The following FAM53A variants were observed in gnomAD, a reference collection of about 807,000 sequenced individuals.
FAM53A encodes the protein protein FAM53A.
In FAM53A, 28 loss-of-function variants were observed where a neutral mutation model predicts 26.6. That is an observed-to-expected ratio of 1.05 (90% confidence interval 0.78 to 1.45). The LOEUF (loss-of-function observed/expected upper bound fraction) is 1.45. Ranked by LOEUF, FAM53A falls within the 40% of genes most tolerant of loss-of-function variation. The pLI is 0.00. For missense variants in FAM53A, 650 were observed against 575.8 expected (o/e 1.13, Z -1.32); for synonymous variants, 290 against 253.1 (o/e 1.15, Z -1.38).
intron 4 of FAM53A, among the ~76,000 whole-genome samples, chr4:1,647,396 C>T (rs2108843850): frequency 6.6e-6 from 1 of 151,886 alleles, no homozygotes; most frequent in South Asian, 2.1e-4. Context: ...TGCACTGTTT[C>T]CAAGGGAAAG....
At chr4:1,584,936 TG>T in the FAM53A span, among the ~76,000 whole-genome samples, 3 of 152,376 alleles carry the variant, frequency 2.0e-5, no homozygotes, top group South Asian at 6.2e-4. Context: ...GTGGGAGGAA[TG>T]TCATGGTATT....
At chr4:1,608,549 GCCCCT>G in the FAM53A span, among the ~76,000 whole-genome samples, 1 of 152,196 alleles carries the variant, frequency 6.6e-6, no homozygotes, top group Non-Finnish European at 1.5e-5. Flanking sequence ...AAGAGGTGAG[GCCCCT>G]GGTGGGAGGG....
chr4:1,673,153 C>T (rs1015489972), intron 1 of FAM53A, among the ~76,000 whole-genome samples: 1 of 152,202 alleles, frequency 6.6e-6, no homozygotes, highest in African/African-American at 2.4e-5. Context: ...AGCCAGAGAT[C>T]TTCAGAAGCA....
In FAM53A at chr4:1,633,732, AG is replaced by A. The variant is rs549421660; in HGVS notation, c.432-15622del. On this transcript the variant is annotated intron_variant, in intron 1 of 1. Transcript: ENST00000489029. ...GGAAGCAAGGGAGCCCGGGACCGAG[AG>A]GGGATCAGAGCAGCCCAGGAGATTG... is the stretch of plus-strand genomic sequence containing the variant. Among the ~76,000 whole-genome samples, 241 of 152,280 alleles carry A rather than the reference AG, an allele frequency of 1.6e-3. 1 individual carries two copies. The highest frequency in any genetic ancestry group is 3.4e-3 in the Middle Eastern group (1 of 294).
chr4:1,644,532 T>G, intron 4 of FAM53A: 2 of 708,714 alleles, frequency 2.8e-6, no homozygotes, highest in South Asian at 4.7e-5. Context: ...GGGCCGATGC[T>G]GGCCTGGACT....
chr4:1,662,164 A>G (rs1713881107), intron 2 of FAM53A, among the ~76,000 whole-genome samples: 1 of 152,016 alleles, frequency 6.6e-6, no homozygotes, highest in African/African-American at 2.4e-5. Context: ...CCCCCTTTCT[A>G]AAAGATATAA....
At chr4:1,627,650 T>TG (rs1715367832) in intron 1 of FAM53A, among the ~76,000 whole-genome samples, 1 of 152,194 alleles carries the variant, frequency 6.6e-6, no homozygotes, top group Admixed American at 6.5e-5. Flanking sequence ...GTGTCCACAC[T>TG]GGGGCCAAGT....
intron 1 of FAM53A, among the ~76,000 whole-genome samples, chr4:1,680,750 T>C (rs114159813): frequency 0.011 from 1,686 of 151,918 alleles, 31 homozygotes; most frequent in African/African-American, 0.039. Context: ...TCCTACCATA[T>C]GGCATTCTGG....
intron 2 of FAM53A, among the ~76,000 whole-genome samples, chr4:1,664,894 C>T (rs908105629): frequency 6.6e-6 from 1 of 152,144 alleles, no homozygotes; most frequent in African/African-American, 2.4e-5. Context: ...AGGGGAATCG[C>T]TTGAACCCAG....
At chr4:1,647,138 C>T (rs1712316418) in intron 4 of FAM53A, among the ~76,000 whole-genome samples, 1 of 151,748 alleles carries the variant, frequency 6.6e-6, no homozygotes, top group African/African-American at 2.4e-5. Context: ...AGTTCGAGAC[C>T]AGCATGGCCA....
At chr4:1,589,160 C>T in the FAM53A span, among the ~76,000 whole-genome samples, 2 of 152,148 alleles carry the variant, frequency 1.3e-5, no homozygotes, top group African/African-American at 4.8e-5. Flanking sequence ...ATGTTCTGTC[C>T]ATTACTAGTT....
chr4:1,580,331 G>T, the FAM53A span: 1 of 152,166 alleles, frequency 6.6e-6, no homozygotes. Context: ...GCCAGTCAGG[G>T]AGGCCAACGC....
rs776956762 is a variant in FAM53A at position 1,655,589 on chromosome 4, G to A, written c.271C>T (p.Pro91Ser). 3.2e-6 allele frequency: 5 copies of A among 1,586,504 alleles called. No individual in the cohort carries two copies. In the South Asian group the frequency reaches 4.5e-5, roughly 14 times the overall value. ...GCACCCAGGCCTGCGCCTGGGCGCG[G>A]GGACTGTGGCTGCCACTGAAGACCC... is the stretch of plus-strand genomic sequence containing the variant. ...TMGLQWQPQS[P>S]RPGAGLGAAS... Residue 91 changes from proline (P) to serine (S), a missense_variant, in exon 4 of 5, where the codon CCG becomes TCG. Coordinates refer to ENST00000308132, the MANE Select transcript of FAM53A (RefSeq NM_001174070.3).
chr4:1,585,143 TCAA>T, the FAM53A span, among the ~76,000 whole-genome samples: 1 of 152,142 alleles, frequency 6.6e-6, no homozygotes, highest in Non-Finnish European at 1.5e-5. Flanking sequence ...TCAATGACTT[TCAA>T]CAACACAATA....
At chr4:1,618,161 G>A (rs1344492732) in intron 1 of FAM53A, 1 of 456,264 alleles carries the variant, frequency 2.2e-6, no homozygotes, top group Non-Finnish European at 4.4e-6. Context: ...GGAAGAAGTA[G>A]AACCAGAAGA....
rs1711548096 is a variant in FAM53A, at chr4:1,640,194, C to T, written c.*1099G>A. The T allele has an allele frequency of 6.1e-6, 1 of 164,676 alleles. No individual in the cohort carries two copies. Among genetic ancestry groups the T allele is most frequent in the African/African-American group, 2.4e-5 (1 of 41,544 alleles). 10.2% of individuals were successfully genotyped at this position (164,676 alleles called of 1,614,324 possible). A position where few individuals can be genotyped will look rare whatever the true frequency, so the allele number is the denominator to read the frequency against. On this transcript the variant is annotated 3_prime_UTR_variant, in exon 5 of 5. Coordinates refer to ENST00000308132, the MANE Select transcript of FAM53A (RefSeq NM_001174070.3). ...TCCCAGGCCACGGGAAGCAGGGACT[C>T]ATGGCACCTTGGTCTGCCCCAAAGG...
chr4:1,622,844 C>G (rs767968341), intron 1 of FAM53A, among the ~76,000 whole-genome samples: 1 of 152,238 alleles, frequency 6.6e-6, no homozygotes, highest in Admixed American at 6.5e-5. Flanking sequence ...CAACCACCCT[C>G]TGCCTCGAGG....
intron 3 of FAM53A, 78 bp downstream of exon 3, chr4:1,657,330 G>C: frequency 7.5e-7 from 1 of 1,327,070 alleles, no homozygotes; most frequent in Non-Finnish European, 1.1e-6. Context: ...CTCATGTTCT[G>C]CGTCCAGGAC....
At chr4:1,638,871 T>C (rs894675333), downstream of FAM53A, among the ~76,000 whole-genome samples, 16 of 152,164 alleles carry the variant, frequency 1.1e-4, no homozygotes, top group African/African-American at 2.9e-4. Flanking sequence ...TGTTCTAGAC[T>C]CCAGGTAACA....
Sources: allele counts gnomAD v4.1 joint callset (sites outside exome capture counted in the v4.1 genomes callset), GRCh38; gene constraint gnomAD v4.1.1; transcripts MANE v1.5; gene names NCBI Gene and HGNC (gene_info 2026-07-23, HGNC 2026-07-21).